The following USP40 variants were observed in gnomAD, a reference collection of about 807,000 sequenced individuals.
USP40 encodes the protein ubiquitin carboxyl-terminal hydrolase 40.
In USP40, 143 loss-of-function variants were observed where a neutral mutation model predicts 166.2. That is an observed-to-expected ratio of 0.86 (90% CI 0.75 to 0.99). USP40 has a LOEUF of 0.99. Ranked by LOEUF, USP40 falls within the 50% of genes least tolerant of loss-of-function variation. The probability of loss-of-function intolerance (pLI) is 0.00; values close to 1 mark genes in which losing one functional copy is unlikely to be tolerated. For missense variants in USP40, 1,444 were observed against 1,479.7 expected, an observed-to-expected ratio of 0.98 and a Z score of 0.40; for synonymous variants, 498 against 524.0, an observed-to-expected ratio of 0.95 and a Z score of 0.68.
Position 233,519,688 on chromosome 2 carries a change from A to G in USP40, c.2326-17T>C. ...AAACACCATCTAAAACAGAGAAATA[A>G]AATAATGACTAAGTTGTAAAAAATG... On this transcript the variant is annotated splice_polypyrimidine_tract_variant and intron_variant, in intron 17 of 31. Coordinates refer to ENST00000678225, the MANE Select transcript of USP40 (RefSeq NM_001365479.2). The G allele has an allele frequency of 7.5e-7, 1 of 1,336,516 alleles. No individual in the cohort carries two copies. Among genetic ancestry groups the G allele is most frequent in the Non-Finnish European group, 1.0e-6 (1 of 972,298 alleles). 82.8% of individuals were successfully genotyped at this position (1,336,516 alleles called of 1,614,324 possible).
At position 233,533,520 on chromosome 2, in the gene USP40, A is replaced by G; in HGVS notation, c.1430T>C (p.Met477Thr). 1 of 1,613,792 alleles carries G rather than the reference A, an allele frequency of 6.2e-7. No homozygotes were observed. The highest frequency in any genetic ancestry group is 8.5e-7 in the Non-Finnish European group (1 of 1,179,778). The change falls in exon 11 of 32, where the codon ATG becomes ACG. Residue 477 changes from methionine (M) to threonine (T), a missense_variant. Physicochemically the swap from Met to Thr is moderately conservative, Grantham distance 81. Coordinates refer to ENST00000678225, the MANE Select transcript of USP40 (RefSeq NM_001365479.2). The part of the protein sequence containing the change: ...QQFQGKESAY[M>T]LFYRKSQLQR... ...CAACTGGGATTTCCGATAAAACAAC[A>G]TGTAGGCACTTTCTTTACCCTGAAA...
chr2:233,538,888 G>A (rs2069136973), intron 10 of USP40, among the ~76,000 whole-genome samples: 1 of 152,116 alleles, frequency 6.6e-6, no homozygotes, highest in South Asian at 2.1e-4. Flanking sequence ...ACATAGCCAG[G>A]TGTGGCCAGG....
intron 31 of USP40, among the ~76,000 whole-genome samples, chr2:233,479,646 T>TGTGTGTGC (rs765832196): frequency 5.3e-5 from 8 of 151,694 alleles, no homozygotes; most frequent in Non-Finnish European, 8.8e-5. Flanking sequence ...TGTGTGTGTG[T>TGTGTGTGC]GTGTGTGTGT....
At chr2:233,529,392 C>T (rs771436127) in intron 12 of USP40, 39 bp downstream of exon 12, 15 of 1,500,888 alleles carry the variant, frequency 1.0e-5, no homozygotes, top group Non-Finnish European at 1.4e-5. Flanking sequence ...CTTTATTCTC[C>T]GGAATACTAG....
chr2:233,517,391 T>G (rs1018216884), intron 18 of USP40, among the ~76,000 whole-genome samples: 8 of 146,802 alleles, frequency 5.4e-5, no homozygotes, highest in Admixed American at 3.3e-4. Context: ...TTTTTGTTTT[T>G]TTTTTTTTTT....
chr2:233,565,352 A>G lies in USP40; in HGVS notation c.199+4T>C. On this transcript the variant is annotated splice_donor_region_variant and intron_variant, in intron 2 of 31. Coordinates refer to ENST00000678225, the MANE Select transcript of USP40 (RefSeq NM_001365479.2). ...GCTAGTTAAATGTACGTAACATAGC[A>G]TACCTCTGAATTCAGGTGTGAAATG... 1 of 1,533,124 alleles carries G rather than the reference A, an allele frequency of 6.5e-7. No homozygotes were observed. The highest frequency in any genetic ancestry group is 8.7e-7 in the Non-Finnish European group (1 of 1,143,328). The allele number at this position is 1,533,124 out of a possible 1,614,324, so 95.0% of individuals were successfully genotyped here. A position where few individuals can be genotyped will look rare whatever the true frequency, so the allele number is the denominator to read the frequency against.
chr2:233,525,412 C>A, intron 14 of USP40, 66 bp downstream of exon 14: 1 of 1,184,580 alleles, frequency 8.4e-7, no homozygotes, highest in South Asian at 1.4e-5. Flanking sequence ...AGTAGAAAAT[C>A]GCAGGTGAGC....
intron 2 of USP40, among the ~76,000 whole-genome samples, chr2:233,564,316 T>C (rs2071935575): frequency 6.6e-6 from 1 of 152,072 alleles, no homozygotes; most frequent in African/African-American, 2.4e-5. Context: ...GTCCTCCTAA[T>C]ATGGAGACAC....
intron 8 of USP40, among the ~76,000 whole-genome samples, chr2:233,548,589 G>A (rs967767407): frequency 6.6e-6 from 1 of 152,104 alleles, no homozygotes; most frequent in Non-Finnish European, 1.5e-5. Flanking sequence ...TAGAGTGGGG[G>A]AAAAATTGCC....
intron 10 of USP40, among the ~76,000 whole-genome samples, chr2:233,539,227 G>A (rs13002253): frequency 1.3e-5 from 2 of 150,176 alleles, no homozygotes; most frequent in South Asian, 2.1e-4. Flanking sequence ...AAAAAAATAA[G>A]AAGAATAGAG....
At chr2:233,509,981 A>ACTAT in intron 21 of USP40, 68 bp downstream of exon 21, 1 of 1,238,626 alleles carries the variant, frequency 8.1e-7, no homozygotes, top group Non-Finnish European at 1.2e-6. Context: ...AACACAGGAT[A>ACTAT]CCACTGTTCC....
intron 14 of USP40, 36 bp downstream of exon 14, chr2:233,525,442 A>G: frequency 6.5e-7 from 1 of 1,537,216 alleles, no homozygotes; most frequent in South Asian, 1.1e-5. Context: ...ATGTAGATAT[A>G]TAGAGTGAGT....
chr2:233,502,923 G>A (rs1163649924), intron 21 of USP40, among the ~76,000 whole-genome samples: 2 of 151,994 alleles, frequency 1.3e-5, no homozygotes, highest in Non-Finnish European at 2.9e-5. Context: ...AAAAGTAAGT[G>A]TTCAAGTAAA....
intron 18 of USP40, among the ~76,000 whole-genome samples, chr2:233,514,247 A>G (rs953410220): frequency 2.6e-5 from 4 of 152,196 alleles, no homozygotes; most frequent in Non-Finnish European, 4.4e-5. Flanking sequence ...CACAAATAAA[A>G]GGGCAGCTAC....
intron 13 of USP40, among the ~76,000 whole-genome samples, chr2:233,525,947 C>T (rs1443065628): frequency 2.0e-5 from 3 of 152,168 alleles, no homozygotes; most frequent in Non-Finnish European, 4.4e-5. Flanking sequence ...AAATGTAGCC[C>T]TGACTCTAGC....
At position 233,565,341 on chromosome 2, in the gene USP40, C is replaced by G. The variant is rs1441908089; in HGVS notation, c.199+15G>C. 1 of 1,512,976 alleles carries G rather than the reference C, an allele frequency of 6.6e-7. No individual in the cohort carries two copies. Among genetic ancestry groups the G allele is most frequent in the Non-Finnish European group, 8.9e-7 (1 of 1,126,402 alleles). The allele number at this position is 1,512,976 out of a possible 1,614,324, so 93.7% of individuals were successfully genotyped here. A position where few individuals can be genotyped will look rare whatever the true frequency, so the allele number is the denominator to read the frequency against. ...TGGTACATATTGCTAGTTAAATGTACGTAACATAGCATACCTCTGAATTCA... is the reference window on the plus strand; with the variant it reads ...TGGTACATATTGCTAGTTAAATGTAGGTAACATAGCATACCTCTGAATTCA... On this transcript the variant is annotated intron_variant, in intron 2 of 31. Transcript: ENST00000678225.
In USP40 at chr2:233,520,985, A is replaced by C; in HGVS notation, c.2325+6T>G. 6.2e-7 allele frequency: 1 copy of C among 1,609,844 alleles called. No homozygotes were observed. Among genetic ancestry groups the C allele is most frequent in the Non-Finnish European group, 8.5e-7 (1 of 1,178,526 alleles). ...ATCAGCCAACCTTTAATTATATTCT[A>C]CTCACTGTGTTAACAGTTGCTGATA... On this transcript the variant is annotated splice_donor_region_variant and intron_variant, in intron 17 of 31. Transcript: ENST00000678225.
chr2:233,555,122 G>A (rs2125372747), intron 5 of USP40, among the ~76,000 whole-genome samples: 1 of 152,228 alleles, frequency 6.6e-6, no homozygotes, highest in South Asian at 2.1e-4. Flanking sequence ...GAACCTGGGA[G>A]GCGGAGGTCG....
At chr2:233,514,759 C>T (rs1419209710) in intron 18 of USP40, among the ~76,000 whole-genome samples, 1 of 152,160 alleles carries the variant, frequency 6.6e-6, no homozygotes, top group Non-Finnish European at 1.5e-5. Flanking sequence ...TTTTAATGGA[C>T]TTTACTGAGT....
Sources: gnomAD v4.1 joint callset for allele counts (sites outside exome capture counted in the v4.1 genomes callset) on GRCh38, gnomAD v4.1.1 for gene constraint, MANE v1.5 for transcripts, NCBI Gene and HGNC (gene_info 2026-07-23, HGNC 2026-07-21) for gene names.